The following CAPSL variants were observed in gnomAD, a reference collection of about 807,000 sequenced individuals.
CAPSL encodes the protein calcyphosine like, also known as calcyphosin-like protein.
In CAPSL, 17 loss-of-function variants were observed where a neutral mutation model predicts 21.3. The ratio of observed to expected loss-of-function variants is 0.80; its 90% confidence interval spans 0.55 to 1.20. CAPSL has a LOEUF of 1.20. CAPSL is among the 50% of genes most tolerant of loss of function. The probability of loss-of-function intolerance (pLI) is 0.00; values close to 1 mark genes in which losing one functional copy is unlikely to be tolerated. For synonymous variants in CAPSL, 102 were observed against 89.3 expected, an observed-to-expected ratio of 1.14 and a Z score of -0.80; for missense variants, 289 against 259.3, an observed-to-expected ratio of 1.11 and a Z score of -0.79.
chr5:35,915,479 A>G (rs1034861899), intron 2 of CAPSL, among the ~76,000 whole-genome samples: 3 of 152,164 alleles, frequency 2.0e-5, no homozygotes, highest in Non-Finnish European at 4.4e-5. Flanking sequence ...CTGGCAAACC[A>G]AATCCAGCAG....
At position 35,904,411 on chromosome 5, in the gene CAPSL, G is replaced by A. The variant is rs1290914989; in HGVS notation, c.*134C>T. 2 of 713,334 alleles carry A rather than the reference G, an allele frequency of 2.8e-6. No homozygotes were observed. Among genetic ancestry groups the A allele is most frequent in the Non-Finnish European group, 4.7e-6 (2 of 424,744 alleles). The allele number at this position is 713,334 out of a possible 1,614,324, so 44.2% of individuals were successfully genotyped here. A position where few individuals can be genotyped will look rare whatever the true frequency, so the allele number is the denominator to read the frequency against. Reference sequence around the variant, plus strand: ...TATTTCTGCCTGTTTTTTGGCCCCAGAAAATGCAATATTTTGACACAGAAA... The same window carrying A: ...TATTTCTGCCTGTTTTTTGGCCCCAAAAAATGCAATATTTTGACACAGAAA... On this transcript the variant is annotated 3_prime_UTR_variant, in exon 5 of 5. Transcript: ENST00000651391.
chr5:35,936,092 T>C (rs1349511360), intron 1 of CAPSL, among the ~76,000 whole-genome samples: 1 of 152,056 alleles, frequency 6.6e-6, no homozygotes, highest in East Asian at 1.9e-4. Context: ...TCCAAACTTT[T>C]GCCACTCCAG....
At chr5:35,937,074 C>A (rs73094073) in intron 1 of CAPSL, among the ~76,000 whole-genome samples, 1 of 152,136 alleles carries the variant, frequency 6.6e-6, no homozygotes, top group East Asian at 1.9e-4. Flanking sequence ...TGACACATCC[C>A]GCATTTCCAT....
At chr5:35,933,239 C>T (rs1738864565) in intron 1 of CAPSL, among the ~76,000 whole-genome samples, 1 of 152,102 alleles carries the variant, frequency 6.6e-6, no homozygotes, top group Non-Finnish European at 1.5e-5. Context: ...AAAGGGTGGC[C>T]TGTGTTTTGC....
chr5:35,925,023 C>G (rs986806776), intron 1 of CAPSL, among the ~76,000 whole-genome samples: 1 of 152,242 alleles, frequency 6.6e-6, no homozygotes, highest in Admixed American at 6.5e-5. Flanking sequence ...GTGGTGACAA[C>G]GGAGCGCATC....
intron 1 of CAPSL, among the ~76,000 whole-genome samples, chr5:35,928,954 G>C (rs963941500): frequency 2.0e-5 from 3 of 152,086 alleles, no homozygotes; most frequent in African/African-American, 7.2e-5. Flanking sequence ...GTTTTTAGTT[G>C]GTTTTCCTGT....
intron 4 of CAPSL, among the ~76,000 whole-genome samples, chr5:35,905,553 T>C (rs894842472): frequency 6.6e-6 from 1 of 152,188 alleles, no homozygotes. Flanking sequence ...AGAAAGGCAT[T>C]TGAACTCAGC....
chr5:35,904,374 C>T lies in CAPSL; in HGVS notation c.*171G>A, dbSNP rs890492485. ...GGCAAGGCAAACTCACAGTTGGCTA[C>T]TCAATGTCTTTTATTTCTGCCTGTT... On this transcript the variant is annotated 3_prime_UTR_variant, in exon 5 of 5. Coordinates refer to ENST00000651391, the MANE Select transcript of CAPSL (RefSeq NM_001042625.2). 1.1e-5 allele frequency: 7 copies of T among 612,182 alleles called. No homozygotes were observed. The highest frequency in any genetic ancestry group is 2.0e-5 in the Non-Finnish European group (7 of 343,622). The allele number at this position is 612,182 out of a possible 1,614,324, so 37.9% of individuals were successfully genotyped here.
chr5:35,927,875 C>T (rs916221768), intron 1 of CAPSL, among the ~76,000 whole-genome samples: 3 of 152,166 alleles, frequency 2.0e-5, no homozygotes, highest in African/African-American at 7.2e-5. Context: ...CCCATAGTTC[C>T]TCAATAAGTT....
rs1179691950 is a variant in CAPSL, at chr5:35,904,408, C to T, written c.*137G>A. ...TTTTATTTCTGCCTGTTTTTTGGCC[C>T]CAGAAAATGCAATATTTTGACACAG... is the stretch of plus-strand genomic sequence containing the variant. On this transcript the variant is annotated 3_prime_UTR_variant, in exon 5 of 5. Coordinates refer to ENST00000651391, the MANE Select transcript of CAPSL (RefSeq NM_001042625.2). 1.4e-6 allele frequency: 1 copy of T among 689,996 alleles called. No homozygotes were observed. The highest frequency in any genetic ancestry group is 2.5e-6 in the Non-Finnish European group (1 of 406,268). 42.7% of individuals were successfully genotyped at this position (689,996 alleles called of 1,614,324 possible).
chr5:35,909,883 AG>A lies in CAPSL; in HGVS notation c.507del (p.Tyr170MetfsTer7). On this transcript the variant is annotated frameshift_variant, in exon 4 of 5. Transcript: ENST00000651391. LOFTEE classifies it high-confidence loss of function. ...FRKFLDNFDS[P>X]YDKDGLVTPE... is the part of the protein sequence containing the mutation. ...TTACTTACCAATCCATCTTTGTCAT[AG>A]GGTGAATCAAAGTTATCCAGAAATT... 6.2e-7 allele frequency: 1 copy of A among 1,612,604 alleles called. No individual in the cohort carries two copies. The highest frequency in any genetic ancestry group is 8.5e-7 in the Non-Finnish European group (1 of 1,179,630).
chr5:35,937,510 C>T (rs977050562), intron 1 of CAPSL, among the ~76,000 whole-genome samples: 2 of 152,192 alleles, frequency 1.3e-5, no homozygotes, highest in African/African-American at 4.8e-5. Flanking sequence ...AGAAGTCCCA[C>T]CCATCCTTCC....
chr5:35,909,794 G>A, intron 4 of CAPSL, 72 bp downstream of exon 4: 1 of 1,207,458 alleles, frequency 8.3e-7, no homozygotes, highest in Non-Finnish European at 1.2e-6. Flanking sequence ...ACATTTTTAA[G>A]AGTTTGGACC....
chr5:35,905,196 C>T (rs894908971), intron 4 of CAPSL, among the ~76,000 whole-genome samples: 1 of 152,086 alleles, frequency 6.6e-6, no homozygotes, highest in East Asian at 1.9e-4. Flanking sequence ...TTCATGCCTC[C>T]CACCCATCCT....
intron 1 of CAPSL, among the ~76,000 whole-genome samples, chr5:35,931,610 G>C (rs1450730335): frequency 2.0e-5 from 3 of 151,904 alleles, no homozygotes; most frequent in African/African-American, 7.3e-5. Flanking sequence ...GAGTCTCTGG[G>C]GTTTTTACAA....
chr5:35,909,079 G>T (rs1175137944), intron 4 of CAPSL, among the ~76,000 whole-genome samples: 1 of 110,400 alleles, frequency 9.1e-6, no homozygotes, highest in Non-Finnish European at 1.8e-5. Context: ...AACAGAACTG[G>T]CTCAGGGTTT....
chr5:35,936,190 C>T (rs930312605), intron 1 of CAPSL, among the ~76,000 whole-genome samples: 4 of 152,064 alleles, frequency 2.6e-5, no homozygotes, highest in African/African-American at 4.8e-5. Context: ...AAAAGTATAG[C>T]GCTCTAAGGG....
chr5:35,930,318 A>G (rs776937837), intron 1 of CAPSL, among the ~76,000 whole-genome samples: 1 of 152,126 alleles, frequency 6.6e-6, no homozygotes, highest in South Asian at 2.1e-4. Context: ...ACTTCTTTCT[A>G]TTGAGCTTTG....
intron 4 of CAPSL, among the ~76,000 whole-genome samples, chr5:35,908,993 G>C (rs1383124159): frequency 1.3e-5 from 2 of 152,054 alleles, no homozygotes; most frequent in African/African-American, 4.8e-5. Flanking sequence ...AATGAACCCT[G>C]GGGCTGTGCT....
Sources: allele counts gnomAD v4.1 joint callset (sites outside exome capture counted in the v4.1 genomes callset), GRCh38; gene constraint gnomAD v4.1.1; transcripts MANE v1.5; gene names NCBI Gene and HGNC (gene_info 2026-07-23, HGNC 2026-07-21).